MCPH1: variants seen among roughly 807,000 people sequenced by gnomAD.
MCPH1 encodes microcephalin.
In MCPH1, 104 loss-of-function variants were observed where a neutral mutation model predicts 84.5. That is an observed-to-expected ratio of 1.23 (90% CI 1.05 to 1.45). The LOEUF (loss-of-function observed/expected upper bound fraction) is 1.45. Ranked by LOEUF, MCPH1 falls within the 40% of genes most tolerant of loss-of-function variation. The pLI is 0.00. For synonymous variants in MCPH1, 514 were observed against 366.8 expected, an observed-to-expected ratio of 1.40 and a Z score of -4.58; for missense variants, 1,498 against 1,005.7, an observed-to-expected ratio of 1.49 and a Z score of -6.62.
intron 12 of MCPH1, among the ~76,000 whole-genome samples, chr8:6,605,123 G>C (rs1377499300): frequency 3.9e-5 from 6 of 152,106 alleles, no homozygotes; most frequent in African/African-American, 1.4e-4. Context: ...CAGGTGCTTG[G>C]GGACCCAGAA....
chr8:6,625,514 C>A (rs183805211), intron 13 of MCPH1: 19 of 983,324 alleles, frequency 1.9e-5, no homozygotes, highest in Non-Finnish European at 2.3e-5. Flanking sequence ...AGCACCAAAT[C>A]GAAAAAGAAG....
intron 9 of MCPH1, among the ~76,000 whole-genome samples, chr8:6,460,585 T>C (rs1385817750): frequency 6.6e-6 from 1 of 152,210 alleles, no homozygotes; most frequent in East Asian, 1.9e-4. Flanking sequence ...TATTTGAACA[T>C]ATTATGCATA....
chr8:6,479,483 G>A (rs983155858), intron 10 of MCPH1, among the ~76,000 whole-genome samples: 2 of 151,170 alleles, frequency 1.3e-5, no homozygotes, highest in Non-Finnish European at 2.9e-5. Context: ...CACCCAGGCT[G>A]GAGTGCAGTG....
At chr8:6,489,611 TA>T (rs1212533891) in intron 11 of MCPH1, among the ~76,000 whole-genome samples, 1 of 152,240 alleles carries the variant, frequency 6.6e-6, no homozygotes, top group African/African-American at 2.4e-5. Context: ...TTTGCTGAGT[TA>T]GGGATTATTA....
chr8:6,581,261 T>C (rs1359679747), intron 12 of MCPH1, among the ~76,000 whole-genome samples: 1 of 152,238 alleles, frequency 6.6e-6, no homozygotes, highest in Non-Finnish European at 1.5e-5. Context: ...GTGGGAATTA[T>C]TTATATCCTA....
chr8:6,583,339 T>G (rs1305044166), intron 12 of MCPH1, among the ~76,000 whole-genome samples: 1 of 152,194 alleles, frequency 6.6e-6, no homozygotes, highest in Non-Finnish European at 1.5e-5. Flanking sequence ...TAGGAAAGAC[T>G]CCTCAGATGT....
intron 2 of MCPH1, among the ~76,000 whole-genome samples, chr8:6,412,527 A>G (rs1030354725): frequency 6.6e-6 from 1 of 152,192 alleles, no homozygotes; most frequent in African/African-American, 2.4e-5. Flanking sequence ...AGATGATTTA[A>G]AACCAGACTA....
At chr8:6,414,521 C>G (rs1798980902) in intron 2 of MCPH1, among the ~76,000 whole-genome samples, 1 of 152,172 alleles carries the variant, frequency 6.6e-6, no homozygotes, top group African/African-American at 2.4e-5. Flanking sequence ...CCTTGCAGGG[C>G]TCCAACTCTA....
intron 12 of MCPH1, chr8:6,503,347 G>C: frequency 6.9e-7 from 1 of 1,439,978 alleles, no homozygotes; most frequent in Non-Finnish European, 9.7e-7. Flanking sequence ...TAAGGCAGGA[G>C]GCACACTGCA....
chr8:6,591,055 C>T (rs1828415791), intron 12 of MCPH1, among the ~76,000 whole-genome samples: 1 of 152,242 alleles, frequency 6.6e-6, no homozygotes, highest in African/African-American at 2.4e-5. Context: ...TGTGCCACCA[C>T]ACCCGGTTAA....
intron 12 of MCPH1, chr8:6,562,578 T>TTTTTTTTTTA: frequency 2.3e-6 from 2 of 880,188 alleles, no homozygotes; most frequent in Non-Finnish European, 3.1e-6. Flanking sequence ...TTTTGGTTGT[T>TTTTTTTTTTA]AAAACCTGAG....
At chr8:6,509,390 T>C (rs1814479106) in intron 12 of MCPH1, among the ~76,000 whole-genome samples, 1 of 152,200 alleles carries the variant, frequency 6.6e-6, no homozygotes, top group South Asian at 2.1e-4. Flanking sequence ...AGGCTCCTCC[T>C]CCCAGGTCTC....
intron 12 of MCPH1, among the ~76,000 whole-genome samples, chr8:6,546,090 T>G (rs2129574442): frequency 6.6e-6 from 1 of 152,354 alleles, no homozygotes; most frequent in Middle Eastern, 3.4e-3. Context: ...CTCAATACTT[T>G]CTAACATCAC....
chr8:6,628,580 C>T (rs1563214332), intron 13 of MCPH1, among the ~76,000 whole-genome samples: 1 of 150,540 alleles, frequency 6.6e-6, no homozygotes, highest in African/African-American at 2.4e-5. Flanking sequence ...GACAAGGCAA[C>T]ATTTTATGTG....
intron 12 of MCPH1, chr8:6,527,689 A>T: frequency 6.3e-7 from 1 of 1,593,890 alleles, no homozygotes; most frequent in East Asian, 2.2e-5. Flanking sequence ...AAATGTAACA[A>T]AATGAAGTTC....
At chr8:6,496,449 G>A (rs1033087339) in intron 11 of MCPH1, among the ~76,000 whole-genome samples, 9 of 152,154 alleles carry the variant, frequency 5.9e-5, no homozygotes, top group Non-Finnish European at 4.4e-5. Context: ...CTGGTACCAG[G>A]ACCCCTGTTT....
At chr8:6,599,531 A>C (rs1563171184) in intron 12 of MCPH1, among the ~76,000 whole-genome samples, 1 of 152,242 alleles carries the variant, frequency 6.6e-6, no homozygotes, top group Non-Finnish European at 1.5e-5. Context: ...CAAAAACCTG[A>C]AATTATAGGA....
intron 13 of MCPH1, among the ~76,000 whole-genome samples, chr8:6,636,394 T>C (rs1385774803): frequency 2.0e-5 from 3 of 151,808 alleles, no homozygotes; most frequent in Non-Finnish European, 4.4e-5. Context: ...CAACCACTGA[T>C]TGTCCACATG....
chr8:6,605,430 G>T (rs577648094), intron 12 of MCPH1, among the ~76,000 whole-genome samples: 15 of 152,278 alleles, frequency 9.9e-5, no homozygotes, highest in African/African-American at 3.1e-4. Flanking sequence ...AAAGTGTTAT[G>T]CGATGGGAGT....
Sources: allele counts gnomAD v4.1 joint callset (sites outside exome capture counted in the v4.1 genomes callset), GRCh38; gene constraint gnomAD v4.1.1; transcripts MANE v1.5; gene names NCBI Gene and HGNC (gene_info 2026-07-23, HGNC 2026-07-21).